The following UCHL5 variants were observed in gnomAD, a reference collection of about 807,000 sequenced individuals.
UCHL5 encodes the protein ubiquitin carboxyl-terminal hydrolase isozyme L5.
A neutral mutation model predicts 53.8 loss-of-function variants in UCHL5; 34 were observed. That is an observed-to-expected ratio of 0.63 (90% CI 0.48 to 0.84). The LOEUF (loss-of-function observed/expected upper bound fraction) is 0.84. Ranked by LOEUF, UCHL5 falls within the 40% of genes least tolerant of loss-of-function variation. UCHL5 has a pLI of 0.00. For synonymous variants in UCHL5, 111 were observed against 126.3 expected (o/e 0.88, Z 0.81); for missense variants, 290 against 385.6 (o/e 0.75, Z 2.08).
rs368049598 is a variant in UCHL5 at position 193,023,004 on chromosome 1, C to T, written c.765G>A (p.Met255Ile). ...CAACTTCTGACTGAATAGCACTTAA[C>T]ATACTATTACCTTGATCTGTATCCA... is the stretch of plus-strand genomic sequence containing the variant. ...EPMDTDQGNS[M>I]LSAIQSEVAK... The change falls in exon 9 of 11, where the codon ATG (methionine) becomes ATA (isoleucine). Residue 255 changes from methionine to isoleucine, a missense_variant. By Grantham distance (10) the Met-to-Ile change is conservative (BLOSUM62 1). Transcript: ENST00000367454. The T allele has an allele frequency of 1.2e-6, 2 of 1,613,226 alleles. No homozygotes were observed. The highest frequency in any genetic ancestry group is 1.3e-5 in the African/African-American group (1 of 74,878).
At position 193,022,914 on chromosome 1, in the gene UCHL5, T is replaced by G. The variant is rs1417414987; in HGVS notation, c.843+12A>C. The G allele has an allele frequency of 3.2e-6, 5 of 1,580,756 alleles. No homozygotes were observed. The highest frequency in any genetic ancestry group is 2.7e-5 in the African/African-American group (2 of 74,220). ...ATTAAAACATTAAAGGAACACATTTTTAAAAACATACCTTGTATCTTTTTA... is the reference window on the plus strand; with the variant it reads ...ATTAAAACATTAAAGGAACACATTTGTAAAAACATACCTTGTATCTTTTTA... On this transcript the variant is annotated intron_variant, in intron 9 of 10. Coordinates refer to ENST00000367454, the MANE Select transcript of UCHL5 (RefSeq NM_001199261.3).
chr1:193,029,315 G>C lies in UCHL5; in HGVS notation c.435-6C>G. The C allele has an allele frequency of 6.2e-7, 1 of 1,612,986 alleles. No individual in the cohort carries two copies. Among genetic ancestry groups the C allele is most frequent in the Non-Finnish European group, 8.5e-7 (1 of 1,179,560 alleles). On this transcript the variant is annotated splice_region_variant and splice_polypyrimidine_tract_variant and intron_variant, in intron 5 of 10. Transcript: ENST00000367454. ...CAAATTCAAACATTTGCTGTCTACA[G>C]TAAATAAAAAAATAGTGAAACTCAA...
In UCHL5 at chr1:193,059,117, A is replaced by AC; in HGVS notation, c.76+67dup. 7.0e-7 allele frequency: 1 copy of AC among 1,432,908 alleles called. No individual in the cohort carries two copies. Among genetic ancestry groups the AC allele is most frequent in the Non-Finnish European group, 9.3e-7 (1 of 1,079,790 alleles). The allele number at this position is 1,432,908 out of a possible 1,614,324, so 88.8% of individuals were successfully genotyped here. A position where few individuals can be genotyped will look rare whatever the true frequency, so the allele number is the denominator to read the frequency against. ...CGCGGGGCGGCGGTGGCCGCAGGGA[A>AC]CCACTCCATGCCCAGCTTGGGCCTC... On this transcript the variant is annotated intron_variant, in intron 1 of 10. Coordinates refer to ENST00000367454, the MANE Select transcript of UCHL5 (RefSeq NM_001199261.3). The surrounding 1 kb of genome is among the most constrained non-coding windows in gnomAD (Gnocchi z 4.9).
intron 2 of UCHL5, among the ~76,000 whole-genome samples, 155 bp from the exon 3 acceptor site, chr1:193,050,006 C>G (rs1460409024): frequency 6.6e-6 from 1 of 152,096 alleles, no homozygotes; most frequent in Non-Finnish European, 1.5e-5. Flanking sequence ...TTCATAGTTA[C>G]TAGACTGTTG....
At chr1:193,055,631 G>A (rs1670397628) in intron 1 of UCHL5, among the ~76,000 whole-genome samples, 1 of 152,166 alleles carries the variant, frequency 6.6e-6, no homozygotes, top group African/African-American at 2.4e-5. Flanking sequence ...AATGCCTTTT[G>A]CATCTATTGA....
At chr1:193,052,655 C>T (rs1669422054) in intron 1 of UCHL5, among the ~76,000 whole-genome samples, 1 of 152,268 alleles carries the variant, frequency 6.6e-6, no homozygotes, top group South Asian at 2.1e-4. Context: ...GCCATTTAAA[C>T]TCTACATTCC....
At chr1:193,041,790 T>G (rs1430609546) in intron 3 of UCHL5, among the ~76,000 whole-genome samples, 2 of 152,100 alleles carry the variant, frequency 1.3e-5, no homozygotes, top group Non-Finnish European at 2.9e-5. Context: ...TGAACTATCA[T>G]AATAAACTTA....
intron 3 of UCHL5, among the ~76,000 whole-genome samples, chr1:193,042,210 T>C (rs1665818612): frequency 6.6e-6 from 1 of 151,618 alleles, no homozygotes; most frequent in African/African-American, 2.4e-5. Context: ...TTACAAAAAA[T>C]ACATAAAAAG....
At chr1:193,057,575 T>C (rs1671036683) in intron 1 of UCHL5, among the ~76,000 whole-genome samples, 1 of 152,230 alleles carries the variant, frequency 6.6e-6, no homozygotes, top group Non-Finnish European at 1.5e-5. Flanking sequence ...TAAACCTTAA[T>C]TATGAAAATA....
Position 193,059,204 on chromosome 1 carries a change from G to C in UCHL5, c.57C>G (p.Thr19=). Residue 19 remains threonine, a synonymous_variant, in exon 1 of 11, where the codon ACC becomes ACG. Transcript: ENST00000367454. The surrounding 1 kb of genome is among the most constrained non-coding windows in gnomAD (Gnocchi z 4.9). ...CLMESDPGVF[T]ELIKGFGCRG... ...TCTCACCGAATCCTTTAATGAGCTC[G>C]GTGAAGACCCCGGGGTCGCTTTCCA... is the stretch of plus-strand genomic sequence containing the variant. 6.2e-7 allele frequency: 1 copy of C among 1,613,758 alleles called. No individual in the cohort carries two copies. Among genetic ancestry groups the C allele is most frequent in the Non-Finnish European group, 8.5e-7 (1 of 1,179,908 alleles).
rs371635038 is a variant in UCHL5 at position 193,016,523 on chromosome 1, A to G, written c.943-128T>C. On this transcript the variant is annotated intron_variant, in intron 10 of 10. Transcript: ENST00000367454. Reference sequence around the variant, plus strand: ...AATACATTGTTTATAAGACTTCTAAAGCATTATGTTTTATAACTTGAGACT... The same window carrying G: ...AATACATTGTTTATAAGACTTCTAAGGCATTATGTTTTATAACTTGAGACT... The G allele has an allele frequency of 1.8e-4, 136 of 773,176 alleles. 2 individuals carry two copies. The South Asian group carries it at 2.9e-3, about 16-fold the overall frequency. The allele number at this position is 773,176 out of a possible 1,614,324, so 47.9% of individuals were successfully genotyped here.
intron 7 of UCHL5, among the ~76,000 whole-genome samples, chr1:193,024,802 A>T (rs530984559): frequency 6.6e-6 from 1 of 152,190 alleles, no homozygotes; most frequent in African/African-American, 2.4e-5. Context: ...GCATTAGTTT[A>T]TCTCTAAGAG....
At chr1:193,029,509 A>G in intron 4 of UCHL5, 23 bp downstream of exon 4, 1 of 1,612,796 alleles carries the variant, frequency 6.2e-7, no homozygotes, top group Non-Finnish European at 8.5e-7. Flanking sequence ...ATGACATTTT[A>G]GGAATAAGAA....
chr1:193,024,199 T>G (rs116048538), intron 7 of UCHL5, among the ~76,000 whole-genome samples: 2 of 151,444 alleles, frequency 1.3e-5, no homozygotes, highest in South Asian at 2.1e-4. Flanking sequence ...GCTATGATAG[T>G]GCACTATACT....
chr1:193,029,496 A>G (rs772227499), intron 4 of UCHL5, 36 bp downstream of exon 4: 1 of 1,613,106 alleles, frequency 6.2e-7, no homozygotes, highest in Admixed American at 1.7e-5. Flanking sequence ...AACTTTCACA[A>G]ATATGACATT....
At chr1:193,028,373 T>C (rs1043542982) in intron 6 of UCHL5, among the ~76,000 whole-genome samples, 6 of 152,146 alleles carry the variant, frequency 3.9e-5, no homozygotes, top group African/African-American at 1.2e-4. Context: ...TAAATCTGCA[T>C]TGGATAAACT....
intron 2 of UCHL5, among the ~76,000 whole-genome samples, chr1:193,051,476 T>TAAAAAAAAA (rs375074775): frequency 8.4e-6 from 1 of 119,750 alleles, no homozygotes; most frequent in Non-Finnish European, 1.7e-5. Flanking sequence ...GTGAATTTTG[T>TAAAAAAAAA]AAAAAAAAAA....
At chr1:193,051,489 A>AG (rs201632023) in intron 2 of UCHL5, among the ~76,000 whole-genome samples, 4 of 151,280 alleles carry the variant, frequency 2.6e-5, no homozygotes, top group Non-Finnish European at 2.9e-5. Flanking sequence ...AAAAAAAAAA[A>AG]AAAAAAAATC....
At position 193,014,265 on chromosome 1, in the gene UCHL5, T is replaced by C. The variant is rs1654572638; in HGVS notation, c.*2086A>G. Reference sequence around the variant, plus strand: ...TTCACAGACAGAAGTAATCATGAAGTATCACAAGGGATTTGCAATCACCAA... The same window carrying C: ...TTCACAGACAGAAGTAATCATGAAGCATCACAAGGGATTTGCAATCACCAA... On this transcript the variant is annotated 3_prime_UTR_variant, in exon 11 of 11. Transcript: ENST00000367454. 1 of 152,092 alleles carries C rather than the reference T, an allele frequency of 6.6e-6. No homozygotes were observed. The highest frequency in any genetic ancestry group is 2.4e-5 in the African/African-American group (1 of 41,428). 9.4% of individuals were successfully genotyped at this position (152,092 alleles called of 1,614,324 possible).
Sources: allele counts gnomAD v4.1 joint callset (sites outside exome capture counted in the v4.1 genomes callset), GRCh38; gene constraint gnomAD v4.1.1; non-coding constraint Gnocchi (gnomAD v3.1); transcripts MANE v1.5; gene names NCBI Gene and HGNC (gene_info 2026-07-23, HGNC 2026-07-21).